TRPM2: variants seen among roughly 807,000 people sequenced by gnomAD.
TRPM2 encodes the protein transient receptor potential cation channel subfamily M member 2, also known as estrogen-responsive element-associated gene 1 protein.
Under a neutral mutation model 174.0 loss-of-function variants are expected in TRPM2, and 161 were observed. The ratio of observed to expected loss-of-function variants is 0.93; its 90% CI spans 0.81 to 1.05. The LOEUF (loss-of-function observed/expected upper bound fraction) is 1.05. TRPM2 is among the 50% of genes least tolerant of loss of function. TRPM2 has a pLI of 0.00. For missense variants in TRPM2, 2,057 were observed against 2,038.0 expected, an observed-to-expected ratio of 1.01 and a Z score of -0.18; for synonymous variants, 954 against 861.3, an observed-to-expected ratio of 1.11 and a Z score of -1.88.
chr21:44,364,645 T>G (rs2048307294), intron 3 of TRPM2, among the ~76,000 whole-genome samples: 1 of 149,684 alleles, frequency 6.7e-6, no homozygotes, highest in African/African-American at 2.5e-5. Context: ...GCGCTCAGGG[T>G]GTGCTGGGAG....
In TRPM2 at chr21:44,416,937, C is replaced by G. The variant is rs1425887894; in HGVS notation, c.3147-990C>G. On this transcript the variant is annotated intron_variant, in intron 20 of 31. Coordinates refer to ENST00000397928, the MANE Select transcript of TRPM2 (RefSeq NM_003307.4). ...GTGCACGTGGGCGTGGCTCTGCTCT[C>G]TGGCATCACAGTGGGCACGTGGGCG... Among the ~76,000 whole-genome samples the G allele has an allele frequency of 3.9e-5, 5 of 127,118 alleles. No individual in the cohort carries two copies. The South Asian group carries it at 7.9e-4, about 20-fold the overall frequency. 83.4% of individuals were successfully genotyped at this position (127,118 alleles called of 152,430 possible).
Position 44,425,731 on chromosome 21 carries a change from G to A in TRPM2, c.3699G>A (p.Glu1233=), listed in dbSNP as rs764223576. 1 of 1,580,406 alleles carries A rather than the reference G, an allele frequency of 6.3e-7. No individual in the cohort carries two copies. Among genetic ancestry groups the A allele is most frequent in the South Asian group, 1.1e-5 (1 of 88,044 alleles). Residue 1233 remains glutamate, a synonymous_variant, in exon 25 of 32, where the codon GAG becomes GAA. Coordinates refer to ENST00000397928, the MANE Select transcript of TRPM2 (RefSeq NM_003307.4). ...CGGGAGGCAGGAAGAAGACGGAGGA[G>A]CCGGGCGACAGCTACCACGTGAATG... The part of the protein sequence containing the change: ...AEPGGRKKTE[E]PGDSYHVNAR...
intron 6 of TRPM2, 95 bp from the exon 7 acceptor site, chr21:44,377,617 C>G: frequency 6.5e-7 from 1 of 1,535,538 alleles, no homozygotes; most frequent in Non-Finnish European, 8.9e-7. Flanking sequence ...ACCTCTGTCC[C>G]CTCACTCGGC....
chr21:44,388,627 C>A (rs1602191745), intron 9 of TRPM2, among the ~76,000 whole-genome samples: 1 of 120,292 alleles, frequency 8.3e-6, no homozygotes, highest in Admixed American at 1.1e-4. Context: ...CCAGCCTAGG[C>A]AACATGGAGA....
In TRPM2 at chr21:44,367,077, AC is replaced by A. The variant is rs561042859; in HGVS notation, c.604+145del. On this transcript the variant is annotated intron_variant, in intron 4 of 31. Coordinates refer to ENST00000397928, the MANE Select transcript of TRPM2 (RefSeq NM_003307.4). This position sits in a 1 kb window ranked among gnomAD's most constrained non-coding sequence, Gnocchi z 4.6. ...GCCCCAGCCTGAGTCGGACCCATGC[AC>A]CTCTCACCTGGGCACAGCTGCTCCC... 307 of 1,000,530 alleles carry A rather than the reference AC, an allele frequency of 3.1e-4. No individual in the cohort carries two copies. The African/African-American group carries it at 4.7e-3, about 15-fold the overall frequency. The allele number at this position is 1,000,530 out of a possible 1,614,324, so 62.0% of individuals were successfully genotyped here.
At chr21:44,400,427 C>T in intron 15 of TRPM2, 56 bp downstream of exon 15, 1 of 1,456,718 alleles carries the variant, frequency 6.9e-7, no homozygotes, top group South Asian at 1.2e-5. Context: ...GCGGGAGAGG[C>T]TCCTGGGGGC....
chr21:44,429,415 G>A (rs897242364), intron 27 of TRPM2, among the ~76,000 whole-genome samples: 1 of 149,144 alleles, frequency 6.7e-6, no homozygotes, highest in Admixed American at 6.8e-5. Flanking sequence ...AGCCTCCTGA[G>A]TAGTTGGAAT....
intron 27 of TRPM2, among the ~76,000 whole-genome samples, chr21:44,428,675 GC>G (rs1223903242): frequency 7.7e-5 from 2 of 25,990 alleles, no homozygotes; most frequent in East Asian, 3.8e-3. Flanking sequence ...CTTAGGTCTG[GC>G]TCCTCCCTGA....
chr21:44,440,752 C>T, intron 30 of TRPM2, 37 bp from the exon 31 acceptor site: 2 of 1,583,830 alleles, frequency 1.3e-6, no homozygotes, highest in Non-Finnish European at 1.7e-6. Context: ...GCTCAGGTGT[C>T]CCTCGCTGTC....
At position 44,354,294 on chromosome 21, in the gene TRPM2, T is replaced by C. The variant is rs1271720292; in HGVS notation, c.166-354T>C. ...TCCCCTTGCCAGGCAGGCAGGAGGG[T>C]GGCTGCCCTTTTTCCGATGGTGCAA... is the stretch of plus-strand genomic sequence containing the variant. On this transcript the variant is annotated intron_variant, in intron 1 of 31. Transcript: ENST00000397928. The surrounding 1 kb of genome is among the most constrained non-coding windows in gnomAD (Gnocchi z 4.3). Among the ~76,000 whole-genome samples the C allele has an allele frequency of 6.6e-6, 1 of 152,092 alleles. No homozygotes were observed. The highest frequency in any genetic ancestry group is 1.5e-5 in the Non-Finnish European group (1 of 68,012).
At chr21:44,407,152 T>C (rs2146304668) in intron 19 of TRPM2, among the ~76,000 whole-genome samples, 2 of 113,600 alleles carry the variant, frequency 1.8e-5, no homozygotes, top group African/African-American at 3.5e-5. Context: ...CCTCCCTTCC[T>C]TCCTTCCATT....
chr21:44,434,419 A>C (rs2006116), intron 27 of TRPM2, among the ~76,000 whole-genome samples: 14 of 150,854 alleles, frequency 9.3e-5, no homozygotes, highest in Non-Finnish European at 1.8e-4. Context: ...GGACGGTGGC[A>C]GGGATGCTGT....
Position 44,354,056 on chromosome 21 carries a change from T to A in TRPM2, c.165+191T>A, listed in dbSNP as rs1273214232. The stretch of plus-strand genomic sequence containing the variant: ...CGTGTCTCGTCTTCTGTGGGTTGCA[T>A]GACCATTTCCCATGGTTGGTCTGAT... On this transcript the variant is annotated intron_variant, in intron 1 of 31. Transcript: ENST00000397928. The surrounding 1 kb of genome is among the most constrained non-coding windows in gnomAD (Gnocchi z 4.3). 1.3e-5 allele frequency among the ~76,000 whole-genome samples: 2 copies of A among 152,202 alleles called. No homozygotes were observed. The highest frequency in any genetic ancestry group is 2.9e-5 in the Non-Finnish European group (2 of 68,038).
intron 27 of TRPM2, among the ~76,000 whole-genome samples, chr21:44,434,406 C>CGGGGACTGTGGT (rs2051153272): frequency 6.7e-6 from 1 of 149,648 alleles, no homozygotes; most frequent in Admixed American, 6.6e-5. Flanking sequence ...GGGATGGTGG[C>CGGGGACTGTGGT]GGGGACGGTG....
At chr21:44,365,681 C>A (rs1208749179) in intron 3 of TRPM2, among the ~76,000 whole-genome samples, 1 of 152,214 alleles carries the variant, frequency 6.6e-6, no homozygotes, top group East Asian at 1.9e-4. Context: ...AACCCCCCGG[C>A]TTCTCCCAGC....
chr21:44,440,293 A>C (rs1412443289), intron 30 of TRPM2, among the ~76,000 whole-genome samples: 19 of 116,286 alleles, frequency 1.6e-4, no homozygotes, highest in Non-Finnish European at 7.2e-5. Flanking sequence ...CCGAGGTTGC[A>C]CCACTGCGCT....
intron 5 of TRPM2, among the ~76,000 whole-genome samples, chr21:44,373,948 G>A (rs574484188): frequency 6.6e-6 from 1 of 151,994 alleles, no homozygotes; most frequent in Admixed American, 6.5e-5. Context: ...ACCAGAAGAA[G>A]CAACTGTGAT....
At chr21:44,436,610 AC>A (rs2051279652) in intron 28 of TRPM2, among the ~76,000 whole-genome samples, 1 of 78,890 alleles carries the variant, frequency 1.3e-5, no homozygotes, top group Non-Finnish European at 2.3e-5. Context: ...TGCACTCAGC[AC>A]CCCATGTCAC....
At chr21:44,385,344 A>C (rs1179795437) in intron 9 of TRPM2, among the ~76,000 whole-genome samples, 1 of 152,240 alleles carries the variant, frequency 6.6e-6, no homozygotes, top group African/African-American at 2.4e-5. Context: ...ACATAGCAAA[A>C]ACAGTGCTAA....
Sources: gnomAD v4.1 joint callset for allele counts (sites outside exome capture counted in the v4.1 genomes callset) on GRCh38, gnomAD v4.1.1 for gene constraint, Gnocchi (gnomAD v3.1) non-coding constraint, MANE v1.5 for transcripts, NCBI Gene and HGNC (gene_info 2026-07-23, HGNC 2026-07-21) for gene names.